Variants in HLA-DQB2 observed in about 807,000 individuals in gnomAD.
The protein encoded by HLA-DQB2 is major histocompatibility complex, class II, DQ beta 2.
Under a neutral mutation model 29.2 loss-of-function variants are expected in HLA-DQB2, and 24 were observed. That is an observed-to-expected ratio of 0.82 (90% CI 0.60 to 1.16). The LOEUF is 1.16. Among genes scored for constraint, HLA-DQB2 ranks in the 50% most tolerant of loss-of-function variants. The probability of loss-of-function intolerance (pLI) is 0.00; values close to 1 mark genes in which losing one functional copy is unlikely to be tolerated. For missense variants in HLA-DQB2, 273 were observed against 343.6 expected (o/e 0.79, Z 1.62); for synonymous variants, 104 against 133.1 (o/e 0.78, Z 1.51).
chr6:32,758,643 T>C (rs1764485989), intron 3 of HLA-DQB2, among the ~76,000 whole-genome samples: 1 of 152,192 alleles, frequency 6.6e-6, no homozygotes, highest in South Asian at 2.1e-4. Flanking sequence ...AACACAAATG[T>C]GGAAAGTGAT....
chr6:32,756,797 C>A (rs1463973681), intron 5 of HLA-DQB2: 1 of 1,215,858 alleles, frequency 8.2e-7, no homozygotes, highest in African/African-American at 1.5e-5. Context: ...CAGTAGCTAA[C>A]AAAATGTGGC....
At chr6:32,762,522 C>T (rs997162224) in intron 1 of HLA-DQB2, among the ~76,000 whole-genome samples, 3 of 108,196 alleles carry the variant, frequency 2.8e-5, no homozygotes, top group Non-Finnish European at 6.2e-5. Context: ...CCTACACCTC[C>T]GGAGTCCTAG....
rs536562693 is a variant in HLA-DQB2 at position 32,757,374 on chromosome 6, T to C, written c.758-70A>G. On this transcript the variant is annotated intron_variant, in intron 4 of 5. Coordinates refer to ENST00000437316, the MANE Select transcript of HLA-DQB2 (RefSeq NM_001300790.2). The stretch of plus-strand genomic sequence containing the variant: ...ACCACTATCTTACCCCAAAGGAAAA[T>C]GACACATGTAGTTTAATTGGGGTTA... 4.6e-5 allele frequency: 53 copies of C among 1,149,576 alleles called. 1 individual carries two copies. Among genetic ancestry groups the C allele is most frequent in the African/African-American group, 3.7e-4 (24 of 65,004 alleles). The allele number at this position is 1,149,576 out of a possible 1,614,324, so 71.2% of individuals were successfully genotyped here. A position where few individuals can be genotyped will look rare whatever the true frequency, so the allele number is the denominator to read the frequency against.
chr6:32,757,678 T>A, intron 4 of HLA-DQB2, 95 bp downstream of exon 4: 1 of 1,181,644 alleles, frequency 8.5e-7, no homozygotes, highest in South Asian at 1.4e-5. Flanking sequence ...CCTCTCAGGG[T>A]AAGGAGGAAA....
chr6:32,760,635 C>G (rs1764702586), intron 2 of HLA-DQB2, among the ~76,000 whole-genome samples: 1 of 152,112 alleles, frequency 6.6e-6, no homozygotes, highest in Admixed American at 6.5e-5. Flanking sequence ...GGGAGAAAAT[C>G]TACTCCAAAA....
At chr6:32,757,453 C>T (rs1562215833) in intron 4 of HLA-DQB2, 149 bp from the exon 5 acceptor site, 2 of 693,752 alleles carry the variant, frequency 2.9e-6, no homozygotes, top group South Asian at 1.9e-5. Flanking sequence ...AGTTAAAATC[C>T]CCCAAAACAA....
intron 1 of HLA-DQB2, 40 bp from the exon 2 acceptor site, chr6:32,761,966 G>A: frequency 6.4e-7 from 1 of 1,570,814 alleles, no homozygotes; most frequent in Non-Finnish European, 8.6e-7. Context: ...CCCCAGCACG[G>A]CCCTAGCCCC....
chr6:32,763,340 TG>T, intron 1 of HLA-DQB2, 33 bp downstream of exon 1: 1 of 1,279,874 alleles, frequency 7.8e-7, no homozygotes, highest in South Asian at 1.3e-5. Flanking sequence ...GTTCCCACAG[TG>T]GTGGCTCTCG....
chr6:32,758,342 T>C (rs1764460948), intron 3 of HLA-DQB2, among the ~76,000 whole-genome samples: 1 of 152,154 alleles, frequency 6.6e-6, no homozygotes, highest in Non-Finnish European at 1.5e-5. Context: ...TATGTAAAAC[T>C]GCGTAGCACC....
chr6:32,762,019 G>A (rs1326831695), intron 1 of HLA-DQB2, 93 bp from the exon 2 acceptor site: 3 of 1,495,146 alleles, frequency 2.0e-6, no homozygotes, highest in South Asian at 2.5e-5. Flanking sequence ...GCCCTGACCC[G>A]GCCAGCAGCT....
chr6:32,761,729 G>T lies in HLA-DQB2; in HGVS notation c.295C>A (p.Arg99=). The change falls in exon 2 of 6, where the codon CGG becomes AGG. Residue 99 remains arginine, a synonymous_variant. Coordinates refer to ENST00000437316, the MANE Select transcript of HLA-DQB2 (RefSeq NM_001300790.2). Reference sequence around the variant, plus strand: ...CTGCACACCTTGTCCACCGCGGCCCGCTCCTGCTCCAAGAAGTCCTTATAG... The same window carrying T: ...CTGCACACCTTGTCCACCGCGGCCCTCTCCTGCTCCAAGAAGTCCTTATAG... ...NNYKDFLEQE[R]AAVDKVCRHN... 1 of 1,554,730 alleles carries T rather than the reference G, an allele frequency of 6.4e-7. No individual in the cohort carries two copies. The highest frequency in any genetic ancestry group is 8.7e-7 in the Non-Finnish European group (1 of 1,149,096).
intron 1 of HLA-DQB2, 132 bp from the exon 2 acceptor site, chr6:32,762,058 C>A (rs949879741): frequency 2.4e-6 from 3 of 1,233,242 alleles, no homozygotes; most frequent in Non-Finnish European, 3.3e-6. Flanking sequence ...AAATTGAGTT[C>A]TTGGCTGGGC....
At chr6:32,758,052 AG>A (rs1402129697) in intron 3 of HLA-DQB2, among the ~76,000 whole-genome samples, 169 bp from the exon 4 acceptor site, 6 of 152,116 alleles carry the variant, frequency 3.9e-5, no homozygotes, top group Non-Finnish European at 7.4e-5. Flanking sequence ...GAGAGGAAGA[AG>A]CACACCCCTG....
Position 32,761,739 on chromosome 6 carries a change from CAAG to C in HLA-DQB2, c.282_284del (p.Phe94del). On this transcript the variant is annotated inframe_deletion, in exon 2 of 6. Transcript: ENST00000437316. ...TGTCCACCGCGGCCCGCTCCTGCTC[CAAG>C]AAGTCCTTATAGTTGTTCCAGTCCT... The C allele has an allele frequency of 1.9e-6, 3 of 1,557,674 alleles. No homozygotes were observed. Among genetic ancestry groups the C allele is most frequent in the Non-Finnish European group, 2.6e-6 (3 of 1,150,752 alleles).
At chr6:32,761,965 G>C in intron 1 of HLA-DQB2, 39 bp from the exon 2 acceptor site, 1 of 1,576,500 alleles carries the variant, frequency 6.3e-7, no homozygotes, top group Non-Finnish European at 8.6e-7. Context: ...GCCCCAGCAC[G>C]GCCCTAGCCC....
intron 2 of HLA-DQB2, among the ~76,000 whole-genome samples, chr6:32,759,418 G>A (rs546783199): frequency 6.6e-6 from 1 of 151,738 alleles, no homozygotes; most frequent in Non-Finnish European, 1.5e-5. Context: ...AAGTAGGCAG[G>A]CCTTGAAAAA....
Position 32,756,207 on chromosome 6 carries a change from GC to G in HLA-DQB2, c.*245del. On this transcript the variant is annotated 3_prime_UTR_variant, in exon 6 of 6. Coordinates refer to ENST00000437316, the MANE Select transcript of HLA-DQB2 (RefSeq NM_001300790.2). Reference sequence around the variant, plus strand: ...GTGGGGGGAGAATGGAAACAGAGATGCCCCTTGGGGCCTGAGTAGACACAGC... The same window carrying G: ...GTGGGGGGAGAATGGAAACAGAGATGCCCTTGGGGCCTGAGTAGACACAGC... The G allele has an allele frequency of 1.9e-6, 1 of 521,388 alleles. No homozygotes were observed. The highest frequency in any genetic ancestry group is 3.4e-6 in the Non-Finnish European group (1 of 293,780). 32.3% of individuals were successfully genotyped at this position (521,388 alleles called of 1,614,324 possible). A position where few individuals can be genotyped will look rare whatever the true frequency, so the allele number is the denominator to read the frequency against.
chr6:32,761,177 G>A (rs112870619), intron 2 of HLA-DQB2, among the ~76,000 whole-genome samples: 6,989 of 126,920 alleles, frequency 0.055, no homozygotes, highest in Middle Eastern at 0.12. Flanking sequence ...TGCCCTGCGC[G>A]CAGTTGTGGA....
Position 32,759,140 on chromosome 6 carries a change from A to G in HLA-DQB2, c.365-9T>C. On this transcript the variant is annotated splice_polypyrimidine_tract_variant and intron_variant, in intron 2 of 5. Coordinates refer to ENST00000437316, the MANE Select transcript of HLA-DQB2 (RefSeq NM_001300790.2). ...GGTCACTGTGGGCTCCACTGAGGGC[A>G]GTAACAGACAGGGAAAGATATAGGA... 1.2e-6 allele frequency: 2 copies of G among 1,612,400 alleles called. No homozygotes were observed. The highest frequency in any genetic ancestry group is 8.5e-7 in the Non-Finnish European group (1 of 1,179,344).
Sources: gnomAD v4.1 joint callset for allele counts (sites outside exome capture counted in the v4.1 genomes callset) on GRCh38, gnomAD v4.1.1 for gene constraint, MANE v1.5 for transcripts, NCBI Gene and HGNC (gene_info 2026-07-23, HGNC 2026-07-21) for gene names.